TRPC1: variants seen among roughly 807,000 people sequenced by gnomAD.
TRPC1 encodes transient receptor potential cation channel subfamily C member 1, also known as short transient receptor potential channel 1.
In TRPC1, 42 loss-of-function variants were observed where a neutral mutation model predicts 88.2. That is an observed-to-expected ratio of 0.48 (90% CI 0.37 to 0.62). The LOEUF (loss-of-function observed/expected upper bound fraction) is 0.62, where lower values mean the gene tolerates loss of function less well. TRPC1 is among the 20% of genes least tolerant of loss of function. The pLI is 0.00. For missense variants in TRPC1, 699 were observed against 957.3 expected (o/e 0.73, Z 3.56); for synonymous variants, 288 against 331.8 (o/e 0.87, Z 1.43).
intron 9 of TRPC1, among the ~76,000 whole-genome samples, chr3:142,794,710 T>C (rs1220870691): frequency 6.6e-6 from 1 of 152,078 alleles, no homozygotes; most frequent in East Asian, 1.9e-4. Flanking sequence ...AGCATATGCA[T>C]GTGAGGACAC....
chr3:142,725,400 A>G (rs915864238), intron 1 of TRPC1, among the ~76,000 whole-genome samples: 1 of 152,220 alleles, frequency 6.6e-6, no homozygotes, highest in African/African-American at 2.4e-5. Flanking sequence ...TTGGAGAGAA[A>G]GATTTATTGC....
chr3:142,775,046 G>A (rs1577985952), intron 4 of TRPC1, among the ~76,000 whole-genome samples: 1 of 152,226 alleles, frequency 6.6e-6, no homozygotes, highest in East Asian at 1.9e-4. Flanking sequence ...GTTGGAAATG[G>A]ATAAGTTGCA....
At chr3:142,750,676 C>G (rs1934728323) in intron 4 of TRPC1, among the ~76,000 whole-genome samples, 1 of 152,146 alleles carries the variant, frequency 6.6e-6, no homozygotes, top group Non-Finnish European at 1.5e-5. Flanking sequence ...AAATGCCCAC[C>G]AATGATAGAC....
chr3:142,768,565 A>C (rs1935474457), intron 4 of TRPC1, among the ~76,000 whole-genome samples: 1 of 151,922 alleles, frequency 6.6e-6, no homozygotes, highest in Non-Finnish European at 1.5e-5. Context: ...TGAAGTGTTT[A>C]GTTCACTCAC....
rs1275289225 is a variant in TRPC1 at position 142,764,177 on chromosome 3, GTTGTCAACTGA to G, written c.633-13453_633-13443del. Reference sequence around the variant, plus strand: ...ATTACCTATTTCATTTTCACTTTTAGTTGTCAACTGATATATTTTTATATTACCTATTTCTT... The same window carrying G: ...ATTACCTATTTCATTTTCACTTTTAGTATATTTTTATATTACCTATTTCTT... On this transcript the variant is annotated intron_variant, in intron 4 of 12. Coordinates refer to ENST00000476941, the MANE Select transcript of TRPC1 (RefSeq NM_001251845.2). Among the ~76,000 whole-genome samples, 311 of 151,196 alleles carry G rather than the reference GTTGTCAACTGA, an allele frequency of 2.1e-3. 3 individuals are homozygous for G. The highest frequency in any genetic ancestry group is 6.8e-3 in the African/African-American group (282 of 41,260).
intron 1 of TRPC1, among the ~76,000 whole-genome samples, chr3:142,736,170 A>C (rs144706956): frequency 0.012 from 1,823 of 152,124 alleles, 29 homozygotes; most frequent in Non-Finnish European, 0.014. Context: ...AAAATTTTCT[A>C]CTTTTTATGT....
chr3:142,737,413 G>GA (rs1381269629), intron 2 of TRPC1, among the ~76,000 whole-genome samples: 1 of 149,326 alleles, frequency 6.7e-6, no homozygotes, highest in South Asian at 2.1e-4. Flanking sequence ...AAAAAAAAAA[G>GA]AATTGCTTAC....
intron 5 of TRPC1, among the ~76,000 whole-genome samples, chr3:142,780,249 G>A (rs1334902392): frequency 6.6e-6 from 1 of 152,110 alleles, no homozygotes; most frequent in African/African-American, 2.4e-5. Flanking sequence ...CAAGATTCAA[G>A]GAATAGGGAT....
At chr3:142,726,718 T>C in intron 1 of TRPC1, among the ~76,000 whole-genome samples, 1 of 152,220 alleles carries the variant, frequency 6.6e-6, no homozygotes, top group Admixed American at 6.5e-5. Context: ...TTCGCTAATA[T>C]TGTTAGACTT....
chr3:142,746,119 G>A (rs1043984960), intron 3 of TRPC1, among the ~76,000 whole-genome samples: 1 of 152,096 alleles, frequency 6.6e-6, no homozygotes, highest in Non-Finnish European at 1.5e-5. Flanking sequence ...ATAACTGAGG[G>A]AATATAAACT....
chr3:142,782,698 G>A (rs769100758), intron 6 of TRPC1, among the ~76,000 whole-genome samples: 57 of 152,174 alleles, frequency 3.7e-4, no homozygotes, highest in Non-Finnish European at 4.9e-4. Flanking sequence ...TCAGGAACAG[G>A]GTGCTCAGAT....
At chr3:142,742,548 T>C (rs1934392159) in intron 2 of TRPC1, among the ~76,000 whole-genome samples, 1 of 152,230 alleles carries the variant, frequency 6.6e-6, no homozygotes, top group South Asian at 2.1e-4. Context: ...CTTTACTCTT[T>C]TCAGCTACAA....
intron 7 of TRPC1, among the ~76,000 whole-genome samples, chr3:142,786,700 T>G (rs572132359): frequency 2.6e-5 from 4 of 152,314 alleles, no homozygotes; most frequent in Non-Finnish European, 4.4e-5. Flanking sequence ...GGAAGAATTT[T>G]ACACATTAGT....
chr3:142,805,909 C>A, intron 12 of TRPC1, 99 bp from the exon 13 acceptor site: 1 of 1,014,636 alleles, frequency 9.9e-7, no homozygotes, highest in Non-Finnish European at 1.5e-6. Context: ...TCTAATAAAG[C>A]ATTTAAAGAT....
At chr3:142,738,446 G>A (rs1934221140) in intron 2 of TRPC1, among the ~76,000 whole-genome samples, 1 of 152,184 alleles carries the variant, frequency 6.6e-6, no homozygotes, top group South Asian at 2.1e-4. Context: ...GGTATATTTG[G>A]TAAGTGTTGA....
intron 2 of TRPC1, among the ~76,000 whole-genome samples, chr3:142,742,127 C>A (rs1217874155): frequency 6.7e-6 from 1 of 149,324 alleles, no homozygotes; most frequent in Non-Finnish European, 1.5e-5. Flanking sequence ...TGTGCCACTG[C>A]ACTCCAGCCT....
At chr3:142,802,565 C>G (rs1936656047) in intron 10 of TRPC1, among the ~76,000 whole-genome samples, 1 of 152,104 alleles carries the variant, frequency 6.6e-6, no homozygotes, top group African/African-American at 2.4e-5. Context: ...GTCTTCCCTA[C>G]TGCAGTCTAT....
At chr3:142,805,977 A>C in intron 12 of TRPC1, 31 bp from the exon 13 acceptor site, 2 of 1,578,748 alleles carry the variant, frequency 1.3e-6, no homozygotes, top group Non-Finnish European at 1.7e-6. Flanking sequence ...TCGTTTCTGC[A>C]TATCCTTAGT....
intron 4 of TRPC1, among the ~76,000 whole-genome samples, chr3:142,762,129 A>G (rs1265483323): frequency 6.6e-6 from 1 of 152,022 alleles, no homozygotes; most frequent in African/African-American, 2.4e-5. Flanking sequence ...TTGACCTCCT[A>G]TGCTCAAGTG....
Sources: gnomAD v4.1 joint callset for allele counts (sites outside exome capture counted in the v4.1 genomes callset) on GRCh38, gnomAD v4.1.1 for gene constraint, MANE v1.5 for transcripts, NCBI Gene and HGNC (gene_info 2026-07-23, HGNC 2026-07-21) for gene names.